RTN4RL1: variants seen among roughly 807,000 people sequenced by gnomAD.
RTN4RL1 encodes the protein reticulon 4 receptor like 1.
In RTN4RL1, 7 loss-of-function variants were observed where a neutral mutation model predicts 25.6. The ratio of observed to expected loss-of-function variants is 0.27; its 90% confidence interval spans 0.16 to 0.51. The LOEUF is 0.51. RTN4RL1 is among the 20% of genes least tolerant of loss of function. The pLI, the probability that RTN4RL1 is intolerant of heterozygous loss-of-function variation, is 0.97. For synonymous variants in RTN4RL1, 297 were observed against 288.2 expected (o/e 1.03, Z -0.31); for missense variants, 500 against 615.6 (o/e 0.81, Z 1.99).
At position 1,937,567 on chromosome 17, in the gene RTN4RL1, C is replaced by T. The variant is rs748945432; in HGVS notation, c.255G>A (p.Ser85=). 1.2e-5 allele frequency: 20 copies of T among 1,613,764 alleles called. No individual in the cohort carries two copies. The highest frequency in any genetic ancestry group is 5.0e-5 in the Admixed American group (3 of 60,000). Residue 85 remains serine (S), a synonymous_variant, in exon 2 of 2, where the codon TCG becomes TCA. Coordinates refer to ENST00000331238, the MANE Select transcript of RTN4RL1 (RefSeq NM_178568.4). ...SPAMVTLWIY[S]NNITYIHPST... is the part of the protein sequence containing the mutation. ...TGGGGTGGATGTAGGTGATGTTGTT[C>T]GAGTAGATCCACAGGGTGACCATGG...
At position 1,936,234 on chromosome 17, in the gene RTN4RL1, T is replaced by C; in HGVS notation, c.*262A>G. On this transcript the variant is annotated 3_prime_UTR_variant, in exon 2 of 2. Coordinates refer to ENST00000331238, the MANE Select transcript of RTN4RL1 (RefSeq NM_178568.4). ...TGCACTTGGAGTGCCTTTTCCCACC[T>C]TGCCAGAGTGGACACTGTCCGTGGG... The C allele has an allele frequency of 1.5e-6, 2 of 1,290,414 alleles. No individual in the cohort carries two copies. The highest frequency in any genetic ancestry group is 4.9e-5 in the South Asian group (2 of 40,820). 79.9% of individuals were successfully genotyped at this position (1,290,414 alleles called of 1,614,324 possible).
intron 1 of RTN4RL1, among the ~76,000 whole-genome samples, chr17:2,004,675 G>A (rs916020692): frequency 2.0e-5 from 3 of 152,226 alleles, no homozygotes; most frequent in Non-Finnish European, 2.9e-5. Flanking sequence ...CCTGGCCCTG[G>A]GCAGAGAGGG....
At chr17:2,024,616 G>C (rs1045258367) in intron 1 of RTN4RL1, among the ~76,000 whole-genome samples, 27 of 152,166 alleles carry the variant, frequency 1.8e-4, no homozygotes, top group Admixed American at 5.9e-4. Context: ...TGACCCCTCC[G>C]GGCCGGATCT....
intron 1 of RTN4RL1, among the ~76,000 whole-genome samples, chr17:2,024,537 C>T (rs948447095): frequency 6.6e-6 from 1 of 152,164 alleles, no homozygotes; most frequent in African/African-American, 2.4e-5. Context: ...AAAACTTTAT[C>T]CCAGCAAAGC....
rs139770644 is a variant in RTN4RL1 at position 1,973,813 on chromosome 17, C to T, written c.14-36005G>A. ...CAGCACTTTGGGAGGCCGAGACAGG[C>T]GGATCACCTGAGGTCAGGAGTTTGA... On this transcript the variant is annotated intron_variant, in intron 1 of 1. Coordinates refer to ENST00000331238, the MANE Select transcript of RTN4RL1 (RefSeq NM_178568.4). Among the ~76,000 whole-genome samples the T allele has an allele frequency of 3.0e-4, 46 of 152,114 alleles. No individual in the cohort carries two copies. The East Asian group carries it at 3.3e-3, about 11-fold the overall frequency.
Position 2,009,703 on chromosome 17 carries a change from A to T in RTN4RL1, c.13+15150T>A, listed in dbSNP as rs953226065. 9.4e-5 allele frequency among the ~76,000 whole-genome samples: 12 copies of T among 127,420 alleles called. 3 individuals are homozygous for T. The highest frequency in any genetic ancestry group is 1.5e-4 in the Non-Finnish European group (9 of 60,806). 83.6% of individuals were successfully genotyped at this position (127,420 alleles called of 152,430 possible). ...AAAGAGAGGCATCTGACCCCGATGT[A>T]AAGGGGGATCCCCAGATCGGCCACT... On this transcript the variant is annotated intron_variant, in intron 1 of 1. Coordinates refer to ENST00000331238, the MANE Select transcript of RTN4RL1 (RefSeq NM_178568.4).
chr17:2,012,282 C>T (rs895661616), intron 1 of RTN4RL1, among the ~76,000 whole-genome samples: 1 of 152,250 alleles, frequency 6.6e-6, no homozygotes, highest in African/African-American at 2.4e-5. Flanking sequence ...CTCTGCTGGG[C>T]ATCCTCTGTG....
chr17:2,024,791 C>T (rs2067251583), intron 1 of RTN4RL1, 62 bp downstream of exon 1: 4 of 1,513,400 alleles, frequency 2.6e-6, no homozygotes, highest in Middle Eastern at 1.9e-4. Context: ...GGGCGGCGCC[C>T]GGGCTCGCGG....
intron 1 of RTN4RL1, among the ~76,000 whole-genome samples, chr17:1,992,780 T>G (rs2066914910): frequency 6.6e-6 from 1 of 152,246 alleles, no homozygotes; most frequent in African/African-American, 2.4e-5. Flanking sequence ...CAGTACCTAA[T>G]AAACACCATA....
intron 1 of RTN4RL1, among the ~76,000 whole-genome samples, chr17:2,003,825 C>T (rs562740470): frequency 6.6e-5 from 10 of 152,294 alleles, no homozygotes; most frequent in African/African-American, 2.4e-4. Flanking sequence ...AAACCCAGAG[C>T]TTTGGGAGTC....
At chr17:2,013,441 T>C (rs1419687624) in intron 1 of RTN4RL1, among the ~76,000 whole-genome samples, 1 of 152,230 alleles carries the variant, frequency 6.6e-6, no homozygotes, top group African/African-American at 2.4e-5. Flanking sequence ...CAGGGCTTTC[T>C]CTAGCAGCGG....
Position 1,998,807 on chromosome 17 carries a change from G to A in RTN4RL1, c.13+26046C>T, listed in dbSNP as rs890401110. Reference sequence around the variant, plus strand: ...GGGGGTGGGGGTGGGGCTCTGCGAGGGCCCTAAAAACGCTGGGGACGCGGG... The same window carrying A: ...GGGGGTGGGGGTGGGGCTCTGCGAGAGCCCTAAAAACGCTGGGGACGCGGG... On this transcript the variant is annotated intron_variant, in intron 1 of 1. Coordinates refer to ENST00000331238, the MANE Select transcript of RTN4RL1 (RefSeq NM_178568.4). The surrounding 1 kb of genome is among the most constrained non-coding windows in gnomAD (Gnocchi z 4.9). Among the ~76,000 whole-genome samples, 5 of 152,038 alleles carry A rather than the reference G, an allele frequency of 3.3e-5. No homozygotes were observed. Among genetic ancestry groups the A allele is most frequent in the Non-Finnish European group, 7.4e-5 (5 of 68,002 alleles).
At chr17:2,023,739 G>A (rs1413727710) in intron 1 of RTN4RL1, 2 of 147,914 alleles carry the variant, frequency 1.4e-5, no homozygotes, top group African/African-American at 5.0e-5. Context: ...CCTGCTGTGA[G>A]GTCAGAATCC....
intron 1 of RTN4RL1, among the ~76,000 whole-genome samples, chr17:2,006,440 C>A (rs1335150354): frequency 1.3e-5 from 2 of 152,152 alleles, no homozygotes; most frequent in African/African-American, 4.8e-5. Flanking sequence ...GGATTACAGG[C>A]GTAAGCCACT....
chr17:1,947,859 T>C (rs73288354), intron 1 of RTN4RL1, among the ~76,000 whole-genome samples: 2,202 of 152,330 alleles, frequency 0.014, 57 homozygotes, highest in African/African-American at 0.05. Context: ...TGGGATGACC[T>C]TGGGACAGGC....
chr17:1,947,390 C>T (rs968271875), intron 1 of RTN4RL1, among the ~76,000 whole-genome samples: 7 of 152,200 alleles, frequency 4.6e-5, no homozygotes, highest in African/African-American at 1.2e-4. Flanking sequence ...CACCCTGCAG[C>T]GTGCCTCGCT....
chr17:2,014,222 G>A (rs914756582), intron 1 of RTN4RL1, among the ~76,000 whole-genome samples: 2 of 152,206 alleles, frequency 1.3e-5, no homozygotes, highest in African/African-American at 4.8e-5. Context: ...AACCCTGGAG[G>A]ACACAGAGCA....
At chr17:2,010,579 G>C (rs955564401) in intron 1 of RTN4RL1, among the ~76,000 whole-genome samples, 1 of 151,978 alleles carries the variant, frequency 6.6e-6, no homozygotes, top group African/African-American at 2.4e-5. Context: ...TTAGAGATGG[G>C]GTCTTGCTCT....
chr17:1,950,416 C>T (rs1915648908), intron 1 of RTN4RL1, among the ~76,000 whole-genome samples: 2 of 152,026 alleles, frequency 1.3e-5, no homozygotes, highest in South Asian at 4.2e-4. Flanking sequence ...CTCAGGGCAG[C>T]CAGGGCACAG....
Sources: gnomAD v4.1 joint callset for allele counts (sites outside exome capture counted in the v4.1 genomes callset) on GRCh38, gnomAD v4.1.1 for gene constraint, Gnocchi (gnomAD v3.1) non-coding constraint, MANE v1.5 for transcripts, NCBI Gene and HGNC (gene_info 2026-07-23, HGNC 2026-07-21) for gene names.